GBE1: variants seen among roughly 807,000 people sequenced by gnomAD.
GBE1 encodes 1,4-alpha-glucan branching enzyme 1, also known as 1,4-alpha-glucan-branching enzyme.
In GBE1, 70 loss-of-function variants were observed where a neutral mutation model predicts 88.8. The ratio of observed to expected loss-of-function variants is 0.79; its 90% CI spans 0.65 to 0.96. The LOEUF (loss-of-function observed/expected upper bound fraction) is 0.96, where lower values mean the gene tolerates loss of function less well. Among genes scored for constraint, GBE1 ranks in the 40% least tolerant of loss-of-function variants. The pLI is 0.00. For missense variants in GBE1, 872 were observed against 871.0 expected, an observed-to-expected ratio of 1.00 and a Z score of -0.01; for synonymous variants, 284 against 300.1, an observed-to-expected ratio of 0.95 and a Z score of 0.56.
intron 14 of GBE1, among the ~76,000 whole-genome samples, chr3:81,501,625 T>C (rs1702586608): frequency 6.7e-6 from 1 of 150,264 alleles, no homozygotes; most frequent in East Asian, 2.0e-4. Context: ...TAAAATGTTA[T>C]AGGAAAATTA....
At position 81,642,997 on chromosome 3, in the gene GBE1, A is replaced by G. The variant is rs528473675; in HGVS notation, c.783-7T>C. 1.3e-6 allele frequency: 2 copies of G among 1,586,596 alleles called. No homozygotes were observed. Among genetic ancestry groups the G allele is most frequent in the African/African-American group, 1.3e-5 (1 of 74,448 alleles). On this transcript the variant is annotated splice_region_variant and splice_polypyrimidine_tract_variant and intron_variant, in intron 6 of 15. Transcript: ENST00000429644. ...TTCAGGTGTTCCATAACGGCTAACA[A>G]TGAAGAACACAGCAAAAAGAAGATT...
chr3:81,617,642 G>C (rs1704266306), intron 7 of GBE1, among the ~76,000 whole-genome samples: 1 of 151,598 alleles, frequency 6.6e-6, no homozygotes, highest in South Asian at 2.1e-4. Flanking sequence ...TAAGAATTTT[G>C]CTCCTAATTC....
chr3:81,640,391 G>A lies in GBE1; in HGVS notation c.992+2390C>T, dbSNP rs752755480. 9.9e-5 allele frequency among the ~76,000 whole-genome samples: 15 copies of A among 152,092 alleles called. No homozygotes were observed. In the South Asian group the frequency reaches 1.7e-3, roughly 17 times the overall value. The stretch of plus-strand genomic sequence containing the variant: ...CCTCCATCTTTCTCCTGTACTGGAC[G>A]CTTCCTGTCCTCGAATATCAAATTC... On this transcript the variant is annotated intron_variant, in intron 7 of 15. Transcript: ENST00000429644.
chr3:81,518,554 A>T (rs569487565), intron 14 of GBE1, among the ~76,000 whole-genome samples: 218 of 151,532 alleles, frequency 1.4e-3, no homozygotes, highest in African/African-American at 5.1e-3. Context: ...AATGAAGCTA[A>T]ATCATAGGCT....
intron 1 of GBE1, among the ~76,000 whole-genome samples, chr3:81,713,319 G>A (rs991451049): frequency 8.5e-5 from 13 of 152,192 alleles, no homozygotes; most frequent in African/African-American, 3.1e-4. Flanking sequence ...CGCATTACAT[G>A]TGTAAAAATT....
chr3:81,594,429 G>A (rs944667738), intron 7 of GBE1, among the ~76,000 whole-genome samples: 1 of 152,004 alleles, frequency 6.6e-6, no homozygotes, highest in African/African-American at 2.4e-5. Flanking sequence ...GGATTTTCAT[G>A]TAATATAACC....
intron 3 of GBE1, among the ~76,000 whole-genome samples, chr3:81,651,051 C>G (rs577196833): frequency 1.2e-4 from 19 of 152,230 alleles, no homozygotes; most frequent in African/African-American, 4.1e-4. Flanking sequence ...TTTTAAAAAT[C>G]CAGATTAAAA....
At chr3:81,700,840 C>T (rs1286116844) in intron 2 of GBE1, among the ~76,000 whole-genome samples, 1 of 152,038 alleles carries the variant, frequency 6.6e-6, no homozygotes, top group African/African-American at 2.4e-5. Flanking sequence ...TTCAGTCTAT[C>T]AGTGATAGAC....
intron 12 of GBE1, among the ~76,000 whole-genome samples, chr3:81,569,765 C>T (rs1211348897): frequency 2.0e-5 from 3 of 152,166 alleles, no homozygotes; most frequent in Non-Finnish European, 2.9e-5. Context: ...CTGTTTCAAA[C>T]ATTGATTTCT....
At chr3:81,756,449 G>C (rs1054490765) in intron 1 of GBE1, among the ~76,000 whole-genome samples, 3 of 152,194 alleles carry the variant, frequency 2.0e-5, no homozygotes, top group African/African-American at 4.8e-5. Context: ...ATTACACTAA[G>C]TATTTACTGT....
chr3:81,544,759 A>AT (rs1038840743), intron 12 of GBE1, among the ~76,000 whole-genome samples: 1 of 152,044 alleles, frequency 6.6e-6, no homozygotes, highest in African/African-American at 2.4e-5. Flanking sequence ...CCTGTAATTA[A>AT]TTTTTTTGCT....
At chr3:81,539,758 T>C (rs1322596731) in intron 12 of GBE1, among the ~76,000 whole-genome samples, 1 of 152,008 alleles carries the variant, frequency 6.6e-6, no homozygotes, top group African/African-American at 2.4e-5. Flanking sequence ...GTGACAGTGT[T>C]AACTACACTA....
chr3:81,626,751 A>AT (rs1704422496), intron 7 of GBE1, among the ~76,000 whole-genome samples: 1 of 151,962 alleles, frequency 6.6e-6, no homozygotes, highest in African/African-American at 2.4e-5. Flanking sequence ...AAAAAAAAAA[A>AT]AAAATCTCTT....
At chr3:81,672,101 G>C (rs180885805) in intron 2 of GBE1, among the ~76,000 whole-genome samples, 1 of 151,824 alleles carries the variant, frequency 6.6e-6, no homozygotes, top group East Asian at 1.9e-4. Flanking sequence ...ATATCATTTC[G>C]CACTCAGGAC....
intron 11 of GBE1, among the ~76,000 whole-genome samples, chr3:81,580,583 CTTG>C (rs1703713770): frequency 1.3e-5 from 2 of 152,086 alleles, no homozygotes; most frequent in South Asian, 4.1e-4. Flanking sequence ...TGGAAACCGG[CTTG>C]AGCCAAAATA....
intron 12 of GBE1, among the ~76,000 whole-genome samples, chr3:81,562,774 G>A (rs1703437439): frequency 6.6e-6 from 1 of 151,840 alleles, no homozygotes; most frequent in Admixed American, 6.6e-5. Context: ...GTCTCTCTTA[G>A]TGAGAAGGAA....
At chr3:81,598,797 C>T (rs920591358) in intron 7 of GBE1, among the ~76,000 whole-genome samples, 13 of 151,544 alleles carry the variant, frequency 8.6e-5, no homozygotes, top group South Asian at 4.2e-4. Context: ...ATAAATTGTT[C>T]ATTCAACTAC....
At chr3:81,597,758 G>A (rs78631757) in intron 7 of GBE1, among the ~76,000 whole-genome samples, 7 of 151,714 alleles carry the variant, frequency 4.6e-5, no homozygotes, top group Non-Finnish European at 1.0e-4. Context: ...AGTCAAAGGT[G>A]CCTAATATAG....
intron 7 of GBE1, among the ~76,000 whole-genome samples, chr3:81,602,774 G>A (rs1457621664): frequency 2.0e-5 from 3 of 152,126 alleles, no homozygotes; most frequent in Non-Finnish European, 2.9e-5. Flanking sequence ...TTAATTTTGT[G>A]TGACTGACTC....
Sources: allele counts gnomAD v4.1 joint callset (sites outside exome capture counted in the v4.1 genomes callset), GRCh38; gene constraint gnomAD v4.1.1; transcripts MANE v1.5; gene names NCBI Gene and HGNC (gene_info 2026-07-23, HGNC 2026-07-21).